SPTA1: variants seen among roughly 807,000 people sequenced by gnomAD.
The protein encoded by SPTA1 is spectrin alpha, erythrocytic 1, also known as spectrin alpha chain, erythrocytic 1.
SPTA1 carries 177 observed loss-of-function variants against 324.7 expected under a neutral mutation model. That is an observed-to-expected ratio of 0.55 (90% CI 0.48 to 0.62). SPTA1 has a LOEUF of 0.62. Among genes scored for constraint, SPTA1 ranks in the 20% least tolerant of loss-of-function variants. The pLI, the probability that SPTA1 is intolerant of heterozygous loss-of-function variation, is 0.00. For synonymous variants in SPTA1, 1,195 were observed against 1,041.3 expected, an observed-to-expected ratio of 1.15 and a Z score of -2.84; for missense variants, 3,162 against 2,883.6, an observed-to-expected ratio of 1.10 and a Z score of -2.21.
At position 158,651,272 on chromosome 1, in the gene SPTA1, TG is replaced by T. The variant is rs1652409519; in HGVS notation, c.3477+94del. On this transcript the variant is annotated intron_variant, in intron 24 of 51. Transcript: ENST00000643759. ...TGCTGTTACCTTCTGCATGTTCTAG[TG>T]GGTCTGCAGAATATAAAGTTCCATG... 4 of 831,364 alleles carry T rather than the reference TG, an allele frequency of 4.8e-6. No homozygotes were observed. In the African/African-American group the frequency reaches 5.0e-5, roughly 10 times the overall value. 51.5% of individuals were successfully genotyped at this position (831,364 alleles called of 1,614,324 possible).
chr1:158,678,229 G>A (rs978243825), intron 6 of SPTA1, among the ~76,000 whole-genome samples, 172 bp downstream of exon 6: 20 of 152,074 alleles, frequency 1.3e-4, no homozygotes, highest in African/African-American at 4.3e-4. Flanking sequence ...CATAGAGTAG[G>A]TCACAGATTT....
chr1:158,676,114 G>A (rs200255605), intron 8 of SPTA1, 27 bp downstream of exon 8: 4 of 1,612,848 alleles, frequency 2.5e-6, no homozygotes, highest in East Asian at 2.2e-5. Context: ...GAGATAGGTA[G>A]AGCAATAAAG....
At chr1:158,625,243 G>C (rs1306850445) in intron 42 of SPTA1, among the ~76,000 whole-genome samples, 2 of 152,114 alleles carry the variant, frequency 1.3e-5, no homozygotes, top group Non-Finnish European at 2.9e-5. Context: ...ACTGGTATCT[G>C]AAAAAGTACA....
chr1:158,638,256 G>A lies in SPTA1; in HGVS notation c.4981-15C>T. ...TTGAGTGCATCCTAGAAAGTCTCGG[G>A]ATACTCAGTGAATAGTATAGTATAG... is the stretch of plus-strand genomic sequence containing the variant. On this transcript the variant is annotated splice_polypyrimidine_tract_variant and intron_variant, in intron 35 of 51. Transcript: ENST00000643759. 1 of 1,606,974 alleles carries A rather than the reference G, an allele frequency of 6.2e-7. No homozygotes were observed. The highest frequency in any genetic ancestry group is 8.5e-7 in the Non-Finnish European group (1 of 1,178,754).
At position 158,652,455 on chromosome 1, in the gene SPTA1, C is replaced by T. The variant is rs1412824634; in HGVS notation, c.3375+12G>A. 5 of 1,613,858 alleles carry T rather than the reference C, an allele frequency of 3.1e-6. No individual in the cohort carries two copies. The highest frequency in any genetic ancestry group is 3.4e-6 in the Non-Finnish European group (4 of 1,179,834). On this transcript the variant is annotated intron_variant, in intron 23 of 51. Transcript: ENST00000643759. ...CAATGGCAACCTTCAAGAGAAGGTT[C>T]CTCTTTCTCACCTTTTGGAACTCAT...
intron 39 of SPTA1, among the ~76,000 whole-genome samples, chr1:158,628,984 T>G (rs896568018): frequency 1.3e-5 from 2 of 152,010 alleles, no homozygotes; most frequent in Non-Finnish European, 2.9e-5. Flanking sequence ...CACTGATGAA[T>G]TAAATCAAAT....
chr1:158,665,065 C>T (rs150727798), intron 16 of SPTA1, among the ~76,000 whole-genome samples: 1 of 152,278 alleles, frequency 6.6e-6, no homozygotes, highest in African/African-American at 2.4e-5. Context: ...TTTGCCTCTA[C>T]CCACATTAGG....
At chr1:158,674,209 T>G (rs1329199099) in intron 10 of SPTA1, 120 bp downstream of exon 10, 1 of 1,061,150 alleles carries the variant, frequency 9.4e-7, no homozygotes, top group Non-Finnish European at 1.4e-6. Context: ...TGATTCATAT[T>G]ATTAACACGT....
chr1:158,613,319 C>A (rs1212313696), intron 50 of SPTA1, among the ~76,000 whole-genome samples: 1 of 152,138 alleles, frequency 6.6e-6, no homozygotes, highest in African/African-American at 2.4e-5. Flanking sequence ...TATTCCCTAA[C>A]AGTTACTTGA....
At position 158,678,643 on chromosome 1, in the gene SPTA1, C is replaced by A. The variant is rs558048328; in HGVS notation, c.679-109G>T. 3.7e-6 allele frequency: 5 copies of A among 1,345,590 alleles called. No homozygotes were observed. In the Admixed American group the frequency reaches 5.9e-5, roughly 16 times the overall value. 83.4% of individuals were successfully genotyped at this position (1,345,590 alleles called of 1,614,324 possible). A position where few individuals can be genotyped will look rare whatever the true frequency, so the allele number is the denominator to read the frequency against. ...GTTCATACTTTTACAGAAGTGAAAACTGACCATTGTAGCCAGACACTGAAC... is the reference window on the plus strand; with the variant it reads ...GTTCATACTTTTACAGAAGTGAAAAATGACCATTGTAGCCAGACACTGAAC... On this transcript the variant is annotated intron_variant, in intron 5 of 51. Transcript: ENST00000643759.
intron 47 of SPTA1, among the ~76,000 whole-genome samples, chr1:158,616,548 T>C (rs1649568526): frequency 6.6e-6 from 1 of 151,180 alleles, no homozygotes; most frequent in Non-Finnish European, 1.5e-5. Flanking sequence ...TATAATGACA[T>C]TCAGTTCCAT....
chr1:158,626,168 AAG>A lies in SPTA1; in HGVS notation c.5886_5887del (p.Phe1963ProfsTer27). 2 of 1,613,800 alleles carry A rather than the reference AAG, an allele frequency of 1.2e-6. No individual in the cohort carries two copies. Among genetic ancestry groups the A allele is most frequent in the Non-Finnish European group, 1.7e-6 (2 of 1,179,718 alleles). ...CACCTGTTTTGCCAGAAGAGTGAGG[AAG>A]TCACCAAGGTCTGCACCATTGCCAT... On this transcript the variant is annotated frameshift_variant, in exon 42 of 52. Transcript: ENST00000643759. LOFTEE classifies it high-confidence loss of function.
Position 158,662,951 on chromosome 1 carries a change from G to C in SPTA1, c.2221-6C>G. ...GTAAGGATATCCACCTGATCCTAAG[G>C]GAGAAATAGAATGAATGCGAAGAAA... On this transcript the variant is annotated splice_region_variant and splice_polypyrimidine_tract_variant and intron_variant, in intron 16 of 51. Coordinates refer to ENST00000643759, the MANE Select transcript of SPTA1 (RefSeq NM_003126.4). The C allele has an allele frequency of 6.2e-7, 1 of 1,613,852 alleles. No homozygotes were observed. Among genetic ancestry groups the C allele is most frequent in the South Asian group, 1.1e-5 (1 of 91,064 alleles).
intron 8 of SPTA1, among the ~76,000 whole-genome samples, chr1:158,675,083 G>T (rs1265638220): frequency 6.6e-6 from 1 of 152,118 alleles, no homozygotes; most frequent in African/African-American, 2.4e-5. Context: ...CATCTATCTA[G>T]CTCATCTTTA....
rs558818326 is a variant in SPTA1, at chr1:158,641,558, A to C, written c.4737+853T>G. On this transcript the variant is annotated intron_variant, in intron 33 of 51. Transcript: ENST00000643759. ...TATGCAGCCAAAAGACACATGAAAA[A>C]ATGCTCATCATCACTGGTCATCAGA... 1.4e-3 allele frequency among the ~76,000 whole-genome samples: 212 copies of C among 152,364 alleles called. 1 individual carries two copies. Among genetic ancestry groups the C allele is most frequent in the Admixed American group, 5.3e-3 (81 of 15,306 alleles).
chr1:158,643,312 C>G lies in SPTA1; in HGVS notation c.4442+10G>C. ...TCCTTTGGCACATAAAACAATCACT[C>G]AGGCCTGACCTGTCTAGTACACGTT... is the stretch of plus-strand genomic sequence containing the variant. On this transcript the variant is annotated intron_variant, in intron 31 of 51. Coordinates refer to ENST00000643759, the MANE Select transcript of SPTA1 (RefSeq NM_003126.4). 9.9e-6 allele frequency: 16 copies of G among 1,613,766 alleles called. No individual in the cohort carries two copies. The highest frequency in any genetic ancestry group is 1.4e-5 in the Non-Finnish European group (16 of 1,179,826).
chr1:158,685,789 A>G (rs1033442797), intron 1 of SPTA1, among the ~76,000 whole-genome samples: 1 of 152,178 alleles, frequency 6.6e-6, no homozygotes, highest in Non-Finnish European at 1.5e-5. Flanking sequence ...AATTTAGTTA[A>G]TGATATATGC....
chr1:158,611,562 A>C (rs1314970556), intron 51 of SPTA1, 173 bp from the exon 52 acceptor site: 7 of 640,252 alleles, frequency 1.1e-5, no homozygotes, highest in Admixed American at 3.2e-5. Flanking sequence ...CTAATGAGTA[A>C]CTTAACTTTT....
chr1:158,647,550 G>A lies in SPTA1; in HGVS notation c.3885C>T (p.Leu1295=). The change falls in exon 27 of 52, where the codon CTC becomes CTT. Residue 1295 remains leucine, a synonymous_variant. Coordinates refer to ENST00000643759, the MANE Select transcript of SPTA1 (RefSeq NM_003126.4). ...CCACCCCACTCTACCTGGCCTTGCTGAGGAACAGGTAGAATTTCTGGGCCT... is the reference window on the plus strand; with the variant it reads ...CCACCCCACTCTACCTGGCCTTGCTAAGGAACAGGTAGAATTTCTGGGCCT... ...LNEAQKFYLF[L]SKARDLQNWI... The A allele has an allele frequency of 6.2e-7, 1 of 1,613,344 alleles. No individual in the cohort carries two copies. The highest frequency in any genetic ancestry group is 8.5e-7 in the Non-Finnish European group (1 of 1,179,864).
Sources: gnomAD v4.1 joint callset for allele counts (sites outside exome capture counted in the v4.1 genomes callset) on GRCh38, gnomAD v4.1.1 for gene constraint, MANE v1.5 for transcripts, NCBI Gene and HGNC (gene_info 2026-07-23, HGNC 2026-07-21) for gene names.